TUT4: variants seen among roughly 807,000 people sequenced by gnomAD.
The protein encoded by TUT4 is terminal uridylyl transferase 4.
TUT4 carries 36 observed loss-of-function variants against 192.2 expected under a neutral mutation model. The observed-to-expected ratio is 0.19, with a 90% confidence interval of 0.14 to 0.25. The LOEUF is 0.25. Among genes scored for constraint, TUT4 ranks in the 10% least tolerant of loss-of-function variants. The pLI, the probability that TUT4 is intolerant of heterozygous loss-of-function variation, is 1.00. For synonymous variants in TUT4, 618 were observed against 666.0 expected (o/e 0.93, Z 1.11); for missense variants, 1,493 against 1,957.2 (o/e 0.76, Z 4.47).
chr1:52,496,684 A>C (rs1672524615), intron 5 of TUT4, among the ~76,000 whole-genome samples: 1 of 152,186 alleles, frequency 6.6e-6, no homozygotes, highest in South Asian at 2.1e-4. Context: ...ACTGGATGAA[A>C]TGTTTATACT....
chr1:52,443,544 G>A (rs1416952008), intron 24 of TUT4, among the ~76,000 whole-genome samples: 3 of 151,850 alleles, frequency 2.0e-5, no homozygotes, highest in South Asian at 2.1e-4. Context: ...AGCCGAGATC[G>A]CGCCATTGCA....
At position 52,516,623 on chromosome 1, in the gene TUT4, C is replaced by G. The variant is rs1678777385; in HGVS notation, c.719-569G>C. The stretch of plus-strand genomic sequence containing the variant: ...ACAGACTATGTTTTCACCTTTGCAT[C>G]TGCAGCATCTAGCAGTATGTATCTA... On this transcript the variant is annotated intron_variant, in intron 2 of 29. Coordinates refer to ENST00000257177, the MANE Select transcript of TUT4 (RefSeq NM_001009881.3). Among the ~76,000 whole-genome samples the G allele has an allele frequency of 2.0e-5, 3 of 152,238 alleles. No homozygotes were observed. The South Asian group carries it at 6.2e-4, about 31-fold the overall frequency.
At chr1:52,448,321 CT>C (rs1308021778) in intron 20 of TUT4, among the ~76,000 whole-genome samples, 3 of 152,174 alleles carry the variant, frequency 2.0e-5, no homozygotes, top group Non-Finnish European at 4.4e-5. Flanking sequence ...GGCGCAGTGG[CT>C]CATGCCTGTA....
chr1:52,435,596 C>A, intron 26 of TUT4, 131 bp from the exon 27 acceptor site: 1 of 693,660 alleles, frequency 1.4e-6, no homozygotes, highest in Non-Finnish European at 2.4e-6. Context: ...ACTTTTAAAC[C>A]TTAAGTATAT....
At chr1:52,483,270 T>C (rs1668956521) in intron 9 of TUT4, among the ~76,000 whole-genome samples, 1 of 152,230 alleles carries the variant, frequency 6.6e-6, no homozygotes, top group African/African-American at 2.4e-5. Flanking sequence ...TGCCAGTTTT[T>C]CTATTTTCAT....
At chr1:52,443,283 C>CAA (rs1036132733) in intron 24 of TUT4, among the ~76,000 whole-genome samples, 1 of 114,980 alleles carries the variant, frequency 8.7e-6, no homozygotes, top group East Asian at 2.7e-4. Context: ...GACTCTGTCT[C>CAA]AAAAAAAAAA....
At chr1:52,541,208 TAAAAA>T (rs548079594) in intron 1 of TUT4, among the ~76,000 whole-genome samples, 16 of 84,600 alleles carry the variant, frequency 1.9e-4, no homozygotes, top group Admixed American at 1.8e-3. Flanking sequence ...GACTCTGTCT[TAAAAA>T]AAAAAAAAAA....
At chr1:52,542,757 A>ACTTTTTTTTTTTTTTTTTTTTTT (rs772350885) in intron 1 of TUT4, among the ~76,000 whole-genome samples, 1 of 147,550 alleles carries the variant, frequency 6.8e-6, no homozygotes. Flanking sequence ...CTTTTTATTT[A>ACTTTTTTTTTTTTTTTTTTTTTT]TTTATTTATT....
intron 14 of TUT4, among the ~76,000 whole-genome samples, chr1:52,470,282 A>C (rs921792740): frequency 7.2e-5 from 11 of 152,210 alleles, no homozygotes; most frequent in African/African-American, 2.2e-4. Flanking sequence ...TAATCTGAAC[A>C]AAAGAAAATT....
intron 24 of TUT4, among the ~76,000 whole-genome samples, chr1:52,440,030 A>G (rs999078646): frequency 2.0e-5 from 3 of 152,216 alleles, no homozygotes; most frequent in South Asian, 2.1e-4. Flanking sequence ...AAAATGTTAC[A>G]TATCATATGA....
chr1:52,499,163 C>T (rs1557859926), intron 4 of TUT4, among the ~76,000 whole-genome samples: 2 of 151,718 alleles, frequency 1.3e-5, no homozygotes, highest in South Asian at 4.2e-4. Context: ...ACTTGAGAAG[C>T]CAAGGCAGGT....
chr1:52,432,323 G>A (rs1652353094), intron 27 of TUT4: 1 of 152,196 alleles, frequency 6.6e-6, no homozygotes, highest in South Asian at 2.1e-4. Flanking sequence ...GAGATAAGGG[G>A]AGAGGAAGAG....
intron 28 of TUT4, among the ~76,000 whole-genome samples, chr1:52,427,974 T>C (rs1650533760): frequency 6.6e-6 from 1 of 152,088 alleles, no homozygotes; most frequent in Non-Finnish European, 1.5e-5. Context: ...AATCCCAGTT[T>C]ACAGGAAATA....
intron 4 of TUT4, among the ~76,000 whole-genome samples, chr1:52,503,297 A>C (rs1674664714): frequency 6.6e-6 from 1 of 152,226 alleles, no homozygotes; most frequent in African/African-American, 2.4e-5. Context: ...TGGAGCTTAC[A>C]GTCAAGAGAG....
chr1:52,541,491 C>T (rs1016497959), intron 1 of TUT4, among the ~76,000 whole-genome samples: 7 of 150,686 alleles, frequency 4.6e-5, no homozygotes, highest in African/African-American at 1.7e-4. Flanking sequence ...AAGATCGCGC[C>T]ATTGCGCTCC....
chr1:52,529,856 T>C (rs896172671), intron 1 of TUT4: 29 of 152,304 alleles, frequency 1.9e-4, no homozygotes, highest in South Asian at 4.1e-4. Context: ...TTCTTCTTTC[T>C]TGAGACATGG....
intron 1 of TUT4, among the ~76,000 whole-genome samples, chr1:52,547,692 A>G (rs1234104405): frequency 1.3e-5 from 2 of 152,228 alleles, no homozygotes; most frequent in African/African-American, 4.8e-5. Context: ...CTATTCAGCC[A>G]GAAAAAAGCT....
intron 1 of TUT4, among the ~76,000 whole-genome samples, chr1:52,545,986 A>C (rs1687985965): frequency 6.7e-6 from 1 of 148,370 alleles, no homozygotes; most frequent in African/African-American, 2.5e-5. Context: ...AAAAAAAAAA[A>C]AAATTGGCCA....
intron 20 of TUT4, among the ~76,000 whole-genome samples, chr1:52,450,251 T>C (rs539134240): frequency 2.6e-5 from 4 of 152,296 alleles, no homozygotes; most frequent in South Asian, 4.1e-4. Flanking sequence ...TAAAAGATAA[T>C]TGATGCCAAT....
Sources: allele counts gnomAD v4.1 joint callset (sites outside exome capture counted in the v4.1 genomes callset), GRCh38; gene constraint gnomAD v4.1.1; transcripts MANE v1.5; gene names NCBI Gene and HGNC (gene_info 2026-07-23, HGNC 2026-07-21).